Variants in RAET1G observed in about 807,000 individuals in gnomAD.
The protein encoded by RAET1G is UL-16 binding protein 5.
A neutral mutation model predicts 29.5 loss-of-function variants in RAET1G; 25 were observed. The ratio of observed to expected loss-of-function variants is 0.85; its 90% CI spans 0.62 to 1.18. The LOEUF is 1.18. Among genes scored for constraint, RAET1G ranks in the 50% most tolerant of loss-of-function variants. The pLI, the probability that RAET1G is intolerant of heterozygous loss-of-function variation, is 0.00. For synonymous variants in RAET1G, 167 were observed against 159.5 expected (o/e 1.05, Z -0.36); for missense variants, 434 against 423.6 (o/e 1.02, Z -0.22).
chr6:149,919,366 A>G (rs1562479534), intron 2 of RAET1G, 42 bp from the exon 3 acceptor site: 4 of 1,600,100 alleles, frequency 2.5e-6, no homozygotes, highest in East Asian at 2.2e-5. Context: ...CTTGACAGAT[A>G]TTGAGCCCCC....
chr6:149,918,277 G>C lies in RAET1G; in HGVS notation c.739C>G (p.Leu247Val). 6.2e-7 allele frequency: 1 copy of C among 1,614,174 alleles called. No individual in the cohort carries two copies. The highest frequency in any genetic ancestry group is 1.3e-5 in the African/African-American group (1 of 75,036). ...GGGTGGTGGCCATGGCTTTGGGTCA[G>C]ACTGTGCCTGGAGCATATGAGGAGA... ...MCLLICSRHS[L>V]TQSHGHHPQS... is the part of the protein sequence containing the mutation. Residue 247 changes from leucine to valine, a missense_variant, in exon 4 of 5, where the codon CTG becomes GTG. Coordinates refer to ENST00000367360, the MANE Select transcript of RAET1G (RefSeq NM_001001788.4).
chr6:149,922,655 C>T (rs1419076760), intron 1 of RAET1G, among the ~76,000 whole-genome samples: 1 of 152,134 alleles, frequency 6.6e-6, no homozygotes, highest in African/African-American at 2.4e-5. Flanking sequence ...ACTAGGGATC[C>T]CCGCTCCACG....
intron 1 of RAET1G, 106 bp downstream of exon 1, chr6:149,922,820 G>A (rs1206635271): frequency 3.9e-5 from 29 of 735,922 alleles, no homozygotes; most frequent in Non-Finnish European, 5.0e-5. Flanking sequence ...CGCAGTCCGG[G>A]GTGATCGCAC....
Position 149,922,917 on chromosome 6 carries a change from C to G in RAET1G, c.85+9G>C, listed in dbSNP as rs201570133. 4.0e-5 allele frequency: 63 copies of G among 1,582,234 alleles called. No individual in the cohort carries two copies. The highest frequency in any genetic ancestry group is 1.0e-4 in the South Asian group (9 of 86,356). On this transcript the variant is annotated intron_variant, in intron 1 of 4. Transcript: ENST00000367360. ...CTCCGCCCCGCTTAGGCTCCATCCC[C>G]GAACTCACCGGCCAGCCCGGTCCTG...
At chr6:149,918,079 C>T in intron 4 of RAET1G, 95 bp downstream of exon 4, 2 of 1,111,552 alleles carry the variant, frequency 1.8e-6, no homozygotes, top group South Asian at 2.9e-5. Context: ...TGAGAAGGTC[C>T]CAGCCATAGG....
At chr6:149,918,510 GC>G in intron 3 of RAET1G, 126 bp from the exon 4 acceptor site, 1 of 1,108,136 alleles carries the variant, frequency 9.0e-7, no homozygotes, top group Non-Finnish European at 1.3e-6. Flanking sequence ...CTATGGGGCA[GC>G]CCCTGGGAGA....
intron 3 of RAET1G, chr6:149,918,622 TG>T: frequency 1.6e-6 from 1 of 621,670 alleles, no homozygotes. Flanking sequence ...CCTCCTGCTG[TG>T]GCGGAAGAGG....
At position 149,919,416 on chromosome 6, in the gene RAET1G, G is replaced by A; in HGVS notation, c.350-92C>T. ...GCAATTTCCTGGTCTTACTTGCTCTGCCACATCCTGGCCTTGCCTCTAGAC... is the reference window on the plus strand; with the variant it reads ...GCAATTTCCTGGTCTTACTTGCTCTACCACATCCTGGCCTTGCCTCTAGAC... On this transcript the variant is annotated intron_variant, in intron 2 of 4. Transcript: ENST00000367360. 6.2e-7 allele frequency: 1 copy of A among 1,600,418 alleles called. No individual in the cohort carries two copies. Among genetic ancestry groups the A allele is most frequent in the Non-Finnish European group, 8.5e-7 (1 of 1,173,412 alleles).
chr6:149,921,041 A>G (rs1778589248), intron 1 of RAET1G, among the ~76,000 whole-genome samples: 2 of 152,348 alleles, frequency 1.3e-5, no homozygotes, highest in Admixed American at 1.3e-4. Flanking sequence ...AACAAGTGCA[A>G]TGATTCTTTG....
At chr6:149,922,232 G>A (rs1248540286) in intron 1 of RAET1G, among the ~76,000 whole-genome samples, 2 of 152,202 alleles carry the variant, frequency 1.3e-5, no homozygotes, top group African/African-American at 4.8e-5. Context: ...TTGCTGGGGT[G>A]TGTCCTCAGG....
intron 3 of RAET1G, chr6:149,918,659 G>C (rs912117709): frequency 1.7e-6 from 1 of 587,072 alleles, no homozygotes; most frequent in Non-Finnish European, 3.0e-6. Context: ...GTGCGGGAGG[G>C]GAGGGTCACG....
intron 4 of RAET1G, 58 bp from the exon 5 acceptor site, chr6:149,917,132 A>G: frequency 1.4e-6 from 2 of 1,465,222 alleles, no homozygotes; most frequent in East Asian, 2.6e-5. Flanking sequence ...TATTTCTCGG[A>G]CTTCAATACT....
In RAET1G at chr6:149,923,103, T is replaced by C. The variant is rs1453220046; in HGVS notation, c.-93A>G. ...GCTGTCTGAATGCAGCCCGTCTGAA[T>C]GCAGCCCTAAACTCCAGTAAGCCCT... On this transcript the variant is annotated 5_prime_UTR_variant, in exon 1 of 5. Transcript: ENST00000367360. The C allele has an allele frequency of 1.2e-6, 1 of 827,376 alleles. No individual in the cohort carries two copies. The highest frequency in any genetic ancestry group is 2.5e-5 in the Admixed American group (1 of 40,462). 51.3% of individuals were successfully genotyped at this position (827,376 alleles called of 1,614,324 possible).
chr6:149,918,178 C>T lies in RAET1G; in HGVS notation c.838G>A (p.Asp280Asn), dbSNP rs754573306. 1 of 1,614,030 alleles carries T rather than the reference C, an allele frequency of 6.2e-7. No individual in the cohort carries two copies. The highest frequency in any genetic ancestry group is 8.5e-7 in the Non-Finnish European group (1 of 1,179,924). ...TWLLRRVLWS[D>N]SYQIAKRPLS... is the part of the protein sequence containing the mutation. ...CTCCCAATTCTGCCCCCATACCTGT[C>T]ACTCCAAAGGACTCTCCTCAGCAGC... The change falls in exon 4 of 5, where the codon GAC becomes AAC. Residue 280 changes from aspartate (D) to asparagine (N), a missense_variant. By Grantham distance (23) the Asp-to-Asn change is conservative (BLOSUM62 1). Coordinates refer to ENST00000367360, the MANE Select transcript of RAET1G (RefSeq NM_001001788.4).
intron 1 of RAET1G, 52 bp downstream of exon 1, chr6:149,922,874 C>T (rs1778626183): frequency 8.9e-6 from 12 of 1,348,616 alleles, no homozygotes; most frequent in Non-Finnish European, 1.2e-5. Context: ...CCACAGTCCA[C>T]AGCCCCCCAC....
At chr6:149,919,872 C>G in intron 1 of RAET1G, 56 bp from the exon 2 acceptor site, 1 of 1,611,958 alleles carries the variant, frequency 6.2e-7, no homozygotes, top group Admixed American at 1.7e-5. Context: ...CTAGATACCC[C>G]TCCTCCACAC....
Position 149,923,069 on chromosome 6 carries a change from G to A in RAET1G, c.-59C>T, listed in dbSNP as rs1361398354. On this transcript the variant is annotated 5_prime_UTR_variant, in exon 1 of 5. Coordinates refer to ENST00000367360, the MANE Select transcript of RAET1G (RefSeq NM_001001788.4). ...AAGCCCAGCCCGTGGATCACCTGGC[G>A]GCTCGCAGGCTGTCTGAATGCAGCC... 1 of 1,268,854 alleles carries A rather than the reference G, an allele frequency of 7.9e-7. No homozygotes were observed. Among genetic ancestry groups the A allele is most frequent in the Admixed American group, 2.1e-5 (1 of 46,662 alleles). The allele number at this position is 1,268,854 out of a possible 1,614,324, so 78.6% of individuals were successfully genotyped here.
chr6:149,923,017 G>T lies in RAET1G; in HGVS notation c.-7C>A, dbSNP rs1042530205. ...GGCTGGCGGCCGCTGCCATTGGGGA[G>T]TTGGATCGCAGGGGACAGCAGAAGC... On this transcript the variant is annotated 5_prime_UTR_variant, in exon 1 of 5. Coordinates refer to ENST00000367360, the MANE Select transcript of RAET1G (RefSeq NM_001001788.4). 3 of 1,593,774 alleles carry T rather than the reference G, an allele frequency of 1.9e-6. No individual in the cohort carries two copies. Among genetic ancestry groups the T allele is most frequent in the African/African-American group, 2.7e-5 (2 of 74,678 alleles).
At chr6:149,917,791 A>AG (rs1778482600) in intron 4 of RAET1G, among the ~76,000 whole-genome samples, 1 of 152,016 alleles carries the variant, frequency 6.6e-6, no homozygotes, top group African/African-American at 2.4e-5. Context: ...CCTCATGTAA[A>AG]GCTACCCTGA....
Sources: gnomAD v4.1 joint callset for allele counts (sites outside exome capture counted in the v4.1 genomes callset) on GRCh38, gnomAD v4.1.1 for gene constraint, MANE v1.5 for transcripts, NCBI Gene and HGNC (gene_info 2026-07-23, HGNC 2026-07-21) for gene names.